The following HORMAD1 variants were observed in gnomAD, a reference collection of about 807,000 sequenced individuals.
HORMAD1 encodes the protein HORMA domain containing 1.
Under a neutral mutation model 58.2 loss-of-function variants are expected in HORMAD1, and 33 were observed. The observed-to-expected ratio is 0.57, with a 90% CI of 0.43 to 0.76. The LOEUF (loss-of-function observed/expected upper bound fraction) is 0.76. Among genes scored for constraint, HORMAD1 ranks in the 30% least tolerant of loss-of-function variants. The pLI, the probability that HORMAD1 is intolerant of heterozygous loss-of-function variation, is 0.00. For synonymous variants in HORMAD1, 137 were observed against 144.6 expected (o/e 0.95, Z 0.38); for missense variants, 363 against 462.0 (o/e 0.79, Z 1.96).
rs1394785612 is a variant in HORMAD1, at chr1:150,714,685, A to C, written c.179-7T>G. The C allele has an allele frequency of 7.0e-7, 1 of 1,435,342 alleles. No homozygotes were observed. The highest frequency in any genetic ancestry group is 2.4e-5 in the East Asian group (1 of 41,050). 88.9% of individuals were successfully genotyped at this position (1,435,342 alleles called of 1,614,324 possible). On this transcript the variant is annotated splice_region_variant and splice_polypyrimidine_tract_variant and intron_variant, in intron 3 of 14. Transcript: ENST00000361824. ...AGTATTTTGACACAAAGATCTAAAC[A>C]CAAAAATGATGAAATATAGAGTTAC...
chr1:150,698,581 G>A lies in HORMAD1; in HGVS notation c.*73C>T. 1 of 787,660 alleles carries A rather than the reference G, an allele frequency of 1.3e-6. No homozygotes were observed. The highest frequency in any genetic ancestry group is 2.1e-6 in the Non-Finnish European group (1 of 477,474). The allele number at this position is 787,660 out of a possible 1,614,324, so 48.8% of individuals were successfully genotyped here. On this transcript the variant is annotated 3_prime_UTR_variant, in exon 15 of 15. Coordinates refer to ENST00000361824, the MANE Select transcript of HORMAD1 (RefSeq NM_032132.5). ...ACTACATATACATCTTCAGAGTTAG[G>A]GAAATATAATATAGGGTCCTTCAGT...
intron 9 of HORMAD1, among the ~76,000 whole-genome samples, chr1:150,707,396 T>C (rs888061220): frequency 6.6e-6 from 1 of 152,364 alleles, no homozygotes; most frequent in South Asian, 2.1e-4. Flanking sequence ...ATTACGCAGA[T>C]GGACCATAAT....
In HORMAD1 at chr1:150,703,354, A is replaced by T. The variant is rs144616489; in HGVS notation, c.988T>A (p.Ser330Thr). The T allele has an allele frequency of 2.4e-4, 377 of 1,583,546 alleles. 1 individual carries two copies. The African/African-American group carries it at 3.9e-3, about 17-fold the overall frequency. Residue 330 changes from serine to threonine, a missense_variant, in exon 13 of 15, where the codon TCT becomes ACT. Ser to Thr is a moderately conservative substitution (Grantham distance 58, BLOSUM62 1). This residue lies in a region of HORMAD1 where 226 missense variants were observed against 257.8 expected (regional missense o/e 0.88). Transcript: ENST00000361824. ...LVNKTSELDM[S>T]ESKTRSGKVF... ...TTTCCACTTCTTGTTTTGCTTTCAG[A>T]CATATCAAGTTCAGATGTTTTATTG...
intron 3 of HORMAD1, 48 bp from the exon 4 acceptor site, chr1:150,714,726 A>AGTTT (rs751125989): frequency 1.1e-6 from 1 of 878,422 alleles, no homozygotes; most frequent in Non-Finnish European, 1.8e-6. Context: ...AAAAGTAAAC[A>AGTTT]ACTAGAAATT....
At chr1:150,713,534 T>TA (rs1651967830) in intron 5 of HORMAD1, among the ~76,000 whole-genome samples, 4 of 149,648 alleles carry the variant, frequency 2.7e-5, no homozygotes, top group South Asian at 2.1e-4. Context: ...AGACTCCATC[T>TA]CAAAAAAAAA....
intron 2 of HORMAD1, among the ~76,000 whole-genome samples, chr1:150,718,646 A>T (rs951281): frequency 1.3e-5 from 2 of 151,922 alleles, no homozygotes; most frequent in Middle Eastern, 3.4e-3. Flanking sequence ...TTTCTTTTTG[A>T]GACGGAGTCT....
In HORMAD1 at chr1:150,711,556, C is replaced by T. The variant is rs1387328842; in HGVS notation, c.316G>A (p.Glu106Lys). Residue 106 changes from glutamate to lysine, a missense_variant, in exon 7 of 15, where the codon GAA becomes AAA. Physicochemically the swap from Glu to Lys is moderately conservative, Grantham distance 56 (BLOSUM62 1). Transcript: ENST00000361824. ...MVVLAVYTNP[E>K]DPQTISECYQ... ...TCAAGCACACTTACCTGAGGATCTT[C>T]TGGGTTTGTGTATACCTATTTAAAA... The T allele has an allele frequency of 1.2e-6, 2 of 1,602,342 alleles. No individual in the cohort carries two copies. The highest frequency in any genetic ancestry group is 3.3e-5 in the Admixed American group (2 of 59,934).
At chr1:150,703,483 T>A in intron 12 of HORMAD1, 90 bp from the exon 13 acceptor site, 1 of 691,732 alleles carries the variant, frequency 1.4e-6, no homozygotes, top group Non-Finnish European at 2.4e-6. Flanking sequence ...TTTAACCACA[T>A]AAAATTTAGG....
At position 150,705,525 on chromosome 1, in the gene HORMAD1, C is replaced by CA. The variant is rs201641273; in HGVS notation, c.804+1027dup. Reference sequence around the variant, plus strand: ...GGGCAACAAGAGTGAAACTCTGTCTCAAAAAAAAAAAAAAGTAATAAACAA... The same window carrying CA: ...GGGCAACAAGAGTGAAACTCTGTCTCAAAAAAAAAAAAAAAGTAATAAACAA... On this transcript the variant is annotated intron_variant, in intron 10 of 14. Coordinates refer to ENST00000361824, the MANE Select transcript of HORMAD1 (RefSeq NM_032132.5). 4.8e-3 allele frequency among the ~76,000 whole-genome samples: 661 copies of CA among 136,482 alleles called. 9 individuals are homozygous for CA. The highest frequency in any genetic ancestry group is 0.017 in the African/African-American group (599 of 36,134). The allele number at this position is 136,482 out of a possible 152,430, so 89.5% of individuals were successfully genotyped here. A position where few individuals can be genotyped will look rare whatever the true frequency, so the allele number is the denominator to read the frequency against.
chr1:150,720,459 G>C (rs938170524), intron 1 of HORMAD1, among the ~76,000 whole-genome samples: 9 of 152,182 alleles, frequency 5.9e-5, no homozygotes, highest in African/African-American at 2.2e-4. Flanking sequence ...AACTTGCTGG[G>C]ATTACAGGAA....
intron 13 of HORMAD1, 56 bp downstream of exon 13, chr1:150,703,254 C>A: frequency 1.1e-6 from 1 of 893,204 alleles, no homozygotes; most frequent in South Asian, 1.5e-5. Flanking sequence ...AATAAACTCA[C>A]ATATGGGGGA....
chr1:150,708,808 C>G (rs1488091635), intron 8 of HORMAD1, 86 bp downstream of exon 8: 2 of 727,620 alleles, frequency 2.7e-6, no homozygotes, highest in Non-Finnish European at 4.7e-6. Flanking sequence ...CCCGCAGTTT[C>G]AGAATGAATC....
chr1:150,713,065 C>T (rs918162055), intron 5 of HORMAD1, among the ~76,000 whole-genome samples: 3 of 152,056 alleles, frequency 2.0e-5, no homozygotes, highest in African/African-American at 4.8e-5. Context: ...TTTGCATTTG[C>T]TGCTCTGCCA....
At chr1:150,715,722 C>T (rs1652048571) in intron 3 of HORMAD1, among the ~76,000 whole-genome samples, 1 of 151,996 alleles carries the variant, frequency 6.6e-6, no homozygotes, top group South Asian at 2.1e-4. Flanking sequence ...AGCTTCCACG[C>T]CTGGCCCTGG....
rs948835516 is a variant in HORMAD1 at position 150,698,149 on chromosome 1, G to A, written c.*505C>T. 8 of 151,968 alleles carry A rather than the reference G, an allele frequency of 5.3e-5. No individual in the cohort carries two copies. The highest frequency in any genetic ancestry group is 1.9e-4 in the African/African-American group (8 of 41,356). 9.4% of individuals were successfully genotyped at this position (151,968 alleles called of 1,614,324 possible). A position where few individuals can be genotyped will look rare whatever the true frequency, so the allele number is the denominator to read the frequency against. On this transcript the variant is annotated 3_prime_UTR_variant, in exon 15 of 15. Coordinates refer to ENST00000361824, the MANE Select transcript of HORMAD1 (RefSeq NM_032132.5). The stretch of plus-strand genomic sequence containing the variant: ...GTCCTGTAAAAAAAAGCATAGTAAA[G>A]GTAAAGCACCAATTCTTAAATTGTA...
intron 6 of HORMAD1, 27 bp from the exon 7 acceptor site, chr1:150,711,598 T>C: frequency 6.4e-7 from 1 of 1,551,340 alleles, no homozygotes; most frequent in Non-Finnish European, 8.9e-7. Context: ...TACAATTGAG[T>C]TATCTAAGGC....
intron 12 of HORMAD1, 55 bp downstream of exon 12, chr1:150,704,063 T>C (rs1419752650): frequency 2.6e-6 from 3 of 1,147,568 alleles, no homozygotes; most frequent in African/African-American, 3.2e-5. Flanking sequence ...AATTAGCGCA[T>C]AAGCAACTGT....
At chr1:150,705,870 A>AGT (rs1651677288) in intron 10 of HORMAD1, among the ~76,000 whole-genome samples, 2 of 152,222 alleles carry the variant, frequency 1.3e-5, no homozygotes, top group Non-Finnish European at 2.9e-5. Context: ...ATTTAGAATA[A>AGT]ATTGAGACAC....
intron 7 of HORMAD1, among the ~76,000 whole-genome samples, chr1:150,709,511 G>A (rs979500516): frequency 8.6e-5 from 13 of 151,624 alleles, no homozygotes; most frequent in East Asian, 3.9e-4. Context: ...AATGCATTGC[G>A]GAAAGCCGCA....
Sources: gnomAD v4.1 joint callset for allele counts (sites outside exome capture counted in the v4.1 genomes callset) on GRCh38, gnomAD v4.1.1 for gene constraint, gnomAD v4.1.1 regional missense constraint, MANE v1.5 for transcripts, NCBI Gene and HGNC (gene_info 2026-07-23, HGNC 2026-07-21) for gene names.